Variants in CCDC171 observed in about 807,000 individuals in gnomAD.
The protein encoded by CCDC171 is coiled-coil domain containing 171.
Under a neutral mutation model 168.2 loss-of-function variants are expected in CCDC171, and 177 were observed. The ratio of observed to expected loss-of-function variants is 1.05; its 90% CI spans 0.93 to 1.19. The LOEUF is 1.19. Among genes scored for constraint, CCDC171 ranks in the 50% most tolerant of loss-of-function variants. The pLI is 0.00. For synonymous variants in CCDC171, 687 were observed against 540.8 expected (o/e 1.27, Z -3.75); for missense variants, 1,991 against 1,539.0 (o/e 1.29, Z -4.91).
intron 10 of CCDC171, among the ~76,000 whole-genome samples, chr9:15,679,891 A>G (rs1342737356): frequency 1.3e-5 from 2 of 152,036 alleles, no homozygotes; most frequent in Admixed American, 6.6e-5. Context: ...CAGGTTATTC[A>G]TTTCTTTTAC....
intron 25 of CCDC171, among the ~76,000 whole-genome samples, chr9:15,928,029 A>G (rs933600623): frequency 6.6e-6 from 1 of 151,672 alleles, no homozygotes; most frequent in Non-Finnish European, 1.5e-5. Flanking sequence ...TCAATGGTAT[A>G]AAGTACAGAT....
At chr9:15,601,835 C>G (rs943532070) in intron 6 of CCDC171, among the ~76,000 whole-genome samples, 3 of 152,136 alleles carry the variant, frequency 2.0e-5, no homozygotes, top group Admixed American at 6.5e-5. Context: ...TTTCTAAACA[C>G]TCAGCCAGAG....
chr9:16,021,596 T>G (rs1390538020), intron 4 of CCDC171, among the ~76,000 whole-genome samples: 1 of 152,328 alleles, frequency 6.6e-6, no homozygotes, highest in Middle Eastern at 3.4e-3. Flanking sequence ...TCTCTAAGAT[T>G]CAAGTCTCTT....
chr9:15,648,301 A>C (rs1219212899), intron 7 of CCDC171, among the ~76,000 whole-genome samples: 1 of 152,146 alleles, frequency 6.6e-6, no homozygotes, highest in Non-Finnish European at 1.5e-5. Context: ...ATACTGAATG[A>C]GCAAAAACTG....
chr9:15,948,645 T>G (rs1370069271), intron 25 of CCDC171, among the ~76,000 whole-genome samples: 1 of 152,152 alleles, frequency 6.6e-6, no homozygotes, highest in Non-Finnish European at 1.5e-5. Flanking sequence ...TGTCTGTTCA[T>G]GTCCTTCGCC....
chr9:15,681,200 A>G (rs773203554), intron 10 of CCDC171, among the ~76,000 whole-genome samples: 3 of 152,150 alleles, frequency 2.0e-5, no homozygotes, highest in Non-Finnish European at 2.9e-5. Context: ...TTTGATAATG[A>G]TGCTGAAAAT....
intron 24 of CCDC171, among the ~76,000 whole-genome samples, chr9:15,878,487 G>T (rs1242611112): frequency 6.6e-6 from 1 of 152,168 alleles, no homozygotes; most frequent in Non-Finnish European, 1.5e-5. Context: ...AACAGATGCT[G>T]ATGAGGTTGT....
intron 25 of CCDC171, among the ~76,000 whole-genome samples, chr9:15,943,152 G>A (rs546405740): frequency 6.6e-6 from 1 of 152,094 alleles, no homozygotes; most frequent in African/African-American, 2.4e-5. Context: ...TCTCAGCATT[G>A]TTAACAGCTT....
intron 25 of CCDC171, among the ~76,000 whole-genome samples, chr9:15,925,319 A>G (rs933708957): frequency 1.1e-4 from 16 of 151,678 alleles, no homozygotes; most frequent in African/African-American, 3.9e-4. Context: ...AATGATGCAA[A>G]AGAACAGTGA....
chr9:15,955,987 G>A (rs1829761233), intron 25 of CCDC171, among the ~76,000 whole-genome samples: 1 of 152,162 alleles, frequency 6.6e-6, no homozygotes, highest in Admixed American at 6.5e-5. Flanking sequence ...GATAGATTTA[G>A]ATGAAAAATG....
At chr9:15,825,793 A>G (rs1046813678) in intron 21 of CCDC171, among the ~76,000 whole-genome samples, 6 of 152,154 alleles carry the variant, frequency 3.9e-5, no homozygotes, top group African/African-American at 1.4e-4. Context: ...TTAGCTGTCA[A>G]ATGATTTATT....
intron 7 of CCDC171, among the ~76,000 whole-genome samples, chr9:15,656,861 G>GTA (rs1285907613): frequency 6.6e-6 from 1 of 151,472 alleles, no homozygotes; most frequent in Non-Finnish European, 1.5e-5. Flanking sequence ...GTGTGTGTGT[G>GTA]TATAAAAATT....
chr9:15,985,974 C>G (rs1437749500), intron 3 of CCDC171, among the ~76,000 whole-genome samples: 1 of 152,128 alleles, frequency 6.6e-6, no homozygotes, highest in Non-Finnish European at 1.5e-5. Context: ...ATTGGCTAGT[C>G]ATAAACTCTG....
rs1405476233 is a variant in CCDC171 at position 15,799,992 on chromosome 9, T to TAA, written c.3267+15299_3267+15300dup. ...TGGCTGCGTAATACTCTATTGTGTA[T>TAA]AAGTACCACATTTTCTTTATCTGTT... On this transcript the variant is annotated intron_variant, in intron 21 of 25. Transcript: ENST00000380701. 2.0e-5 allele frequency among the ~76,000 whole-genome samples: 3 copies of TAA among 152,280 alleles called. No homozygotes were observed. The East Asian group carries it at 5.8e-4, about 29-fold the overall frequency.
chr9:15,911,777 T>C (rs1029926176), intron 24 of CCDC171, among the ~76,000 whole-genome samples: 8 of 152,236 alleles, frequency 5.3e-5, no homozygotes, highest in African/African-American at 1.7e-4. Flanking sequence ...GCTAGCCAGT[T>C]TTCCCAACAC....
chr9:15,558,064 A>C (rs920601377), intron 1 of CCDC171, among the ~76,000 whole-genome samples: 4 of 152,192 alleles, frequency 2.6e-5, no homozygotes, highest in African/African-American at 9.6e-5. Context: ...ATGTTGAACC[A>C]GCCTTCCATC....
chr9:15,672,380 C>A (rs941255426), intron 9 of CCDC171, among the ~76,000 whole-genome samples: 1 of 152,118 alleles, frequency 6.6e-6, no homozygotes, highest in Non-Finnish European at 1.5e-5. Context: ...TCCATTTTGA[C>A]TTTTGTTGCC....
intron 21 of CCDC171, among the ~76,000 whole-genome samples, chr9:15,806,291 T>G (rs984779007): frequency 2.0e-5 from 3 of 152,174 alleles, no homozygotes; most frequent in Non-Finnish European, 4.4e-5. Context: ...GCTAGATGGT[T>G]ATTTTTCGGA....
At chr9:15,632,283 G>A (rs1189531234) in intron 7 of CCDC171, among the ~76,000 whole-genome samples, 1 of 151,344 alleles carries the variant, frequency 6.6e-6, no homozygotes, top group Non-Finnish European at 1.5e-5. Context: ...CATCGTCTCA[G>A]CCCAAAATCT....
Sources: allele counts gnomAD v4.1 joint callset (sites outside exome capture counted in the v4.1 genomes callset), GRCh38; gene constraint gnomAD v4.1.1; transcripts MANE v1.5; gene names NCBI Gene and HGNC (gene_info 2026-07-23, HGNC 2026-07-21).